Variants in RNF212 observed in about 807,000 individuals in gnomAD.
The protein encoded by RNF212 is probable E3 SUMO-protein ligase RNF212.
RNF212 carries 33 observed loss-of-function variants against 34.7 expected under a neutral mutation model. That is an observed-to-expected ratio of 0.95 (90% confidence interval 0.72 to 1.27). RNF212 has a LOEUF of 1.27. Among genes scored for constraint, RNF212 ranks in the 50% most tolerant of loss-of-function variants. The probability of loss-of-function intolerance (pLI) is 0.00; values close to 1 mark genes in which losing one functional copy is unlikely to be tolerated. For synonymous variants in RNF212, 140 were observed against 136.1 expected, an observed-to-expected ratio of 1.03 and a Z score of -0.20; for missense variants, 377 against 362.2, an observed-to-expected ratio of 1.04 and a Z score of -0.33.
At chr4:1,109,906 C>T (rs1430947724) in intron 1 of RNF212, among the ~76,000 whole-genome samples, 1 of 152,204 alleles carries the variant, frequency 6.6e-6, no homozygotes, top group Non-Finnish European at 1.5e-5. Flanking sequence ...GGGTCCCCTT[C>T]TAACAGCCTC....
Position 1,073,177 on chromosome 4 carries a change from A to C in RNF212, c.591T>G (p.Ala197=). ...QDGRMGPHLT[A]SFCFIPWLTL... is the part of the protein sequence containing the mutation. ...TCAACCATGGGATGAAACAGAAAGA[A>C]GCTGTTAGATGTGGCCCTGCGGGAA... is the stretch of plus-strand genomic sequence containing the variant. The change falls in exon 10 of 10, where the codon GCT becomes GCG. Residue 197 remains alanine, a synonymous_variant. Coordinates refer to ENST00000433731, the MANE Select transcript of RNF212 (RefSeq NM_001131034.4). 6.2e-7 allele frequency: 1 copy of C among 1,613,978 alleles called. No individual in the cohort carries two copies. The highest frequency in any genetic ancestry group is 1.1e-5 in the South Asian group (1 of 91,072).
In RNF212 at chr4:1,093,720, G is replaced by C. The variant is rs562675797; in HGVS notation, c.247-2882C>G. ...CTCTGATGTCTGTGATAACAGACAT[G>C]TTTTATGAACTCAAGCAACTTCTGG... On this transcript the variant is annotated intron_variant, in intron 3 of 9. Coordinates refer to ENST00000433731, the MANE Select transcript of RNF212 (RefSeq NM_001131034.4). 3.1e-5 allele frequency: 47 copies of C among 1,536,276 alleles called. No homozygotes were observed. The South Asian group carries it at 5.6e-4, about 18-fold the overall frequency.
At chr4:1,076,191 C>T (rs1450246152) in intron 8 of RNF212, among the ~76,000 whole-genome samples, 1 of 152,206 alleles carries the variant, frequency 6.6e-6, no homozygotes, top group African/African-American at 2.4e-5. Flanking sequence ...TTCCCGGGCA[C>T]CTTGTCCAGG....
chr4:1,097,255 C>T (rs758753698), intron 2 of RNF212, among the ~76,000 whole-genome samples: 3 of 152,124 alleles, frequency 2.0e-5, no homozygotes, highest in African/African-American at 4.8e-5. Context: ...AAGTACATGT[C>T]GAGTTATTTA....
At chr4:1,067,414 A>C (rs1718160851), downstream of RNF212, among the ~76,000 whole-genome samples, 1 of 152,244 alleles carries the variant, frequency 6.6e-6, no homozygotes, top group Admixed American at 6.5e-5. Flanking sequence ...AGATTATAAT[A>C]GATCAAAAAA....
chr4:1,064,287 G>A lies in RNF212; in HGVS notation n.148-5894C>T, dbSNP rs561263908. ...TGGAGCAATGTGGTTACGTTCCACT[G>A]GAATTCAGTCGGTGTTCACCTCAGT... On this transcript the variant is annotated intron_variant and non_coding_transcript_variant, in intron 3 of 4. Transcript: ENST00000503206. Among the ~76,000 whole-genome samples the A allele has an allele frequency of 2.0e-5, 3 of 152,304 alleles. No homozygotes were observed. In the South Asian group the frequency reaches 6.2e-4, roughly 32 times the overall value.
At chr4:1,066,130 C>T (rs1718082405) in intron 3 of RNF212, among the ~76,000 whole-genome samples, 1 of 151,530 alleles carries the variant, frequency 6.6e-6, no homozygotes, top group East Asian at 1.9e-4. Flanking sequence ...GCTATGTTGC[C>T]CAGGCTGGAC....
intron 5 of RNF212, 33 bp downstream of exon 5, chr4:1,085,863 G>T: frequency 1.3e-6 from 2 of 1,528,012 alleles, no homozygotes; most frequent in Non-Finnish European, 9.1e-7. Context: ...TGGGTGCCTC[G>T]ACTGCGCACT....
intron 4 of RNF212, among the ~76,000 whole-genome samples, chr4:1,088,206 T>C (rs561434520): frequency 6.6e-6 from 1 of 152,282 alleles, no homozygotes; most frequent in Non-Finnish European, 1.5e-5. Context: ...ATATGGATGG[T>C]GAAGTTCAGG....
chr4:1,083,069 T>A (rs1720613893), intron 5 of RNF212, among the ~76,000 whole-genome samples: 1 of 152,124 alleles, frequency 6.6e-6, no homozygotes, highest in Non-Finnish European at 1.5e-5. Context: ...CACATGGGAA[T>A]CCTCTCTGGA....
intron 2 of RNF212, chr4:1,099,709 A>G (rs914408130): frequency 4.4e-6 from 2 of 456,168 alleles, no homozygotes; most frequent in African/African-American, 2.0e-5. Context: ...ACATAGTTAA[A>G]TCTCACAGCG....
At chr4:1,093,752 G>C (rs1192985124) in intron 3 of RNF212, 2 of 1,536,178 alleles carry the variant, frequency 1.3e-6, no homozygotes, top group Non-Finnish European at 1.7e-6. Context: ...CTGGCCCCAA[G>C]GGGACTTGGT....
At chr4:1,075,314 A>C (rs962591338) in intron 8 of RNF212, among the ~76,000 whole-genome samples, 2 of 152,196 alleles carry the variant, frequency 1.3e-5, no homozygotes, top group African/African-American at 2.4e-5. Flanking sequence ...GAGACTGTGT[A>C]ATTCATAAAG....
At chr4:1,064,928 C>T (rs1486137273) in intron 3 of RNF212, among the ~76,000 whole-genome samples, 1 of 152,244 alleles carries the variant, frequency 6.6e-6, no homozygotes, top group East Asian at 1.9e-4. Flanking sequence ...ATGCACTTAG[C>T]ATAGCGTCCT....
At chr4:1,084,726 C>CAAAA (rs34470931) in intron 5 of RNF212, among the ~76,000 whole-genome samples, 1 of 60,454 alleles carries the variant, frequency 1.7e-5, no homozygotes, top group Non-Finnish European at 3.0e-5. Context: ...GACCCTGTCT[C>CAAAA]AAAAAAAAAA....
intron 2 of RNF212, among the ~76,000 whole-genome samples, chr4:1,098,679 A>G (rs1420502687): frequency 6.6e-6 from 1 of 152,100 alleles, no homozygotes. Context: ...TTGACCTGCA[A>G]CCCTGGTTCT....
In RNF212 at chr4:1,078,708, C is replaced by T. The variant is rs553339920; in HGVS notation, c.510+935G>A. On this transcript the variant is annotated intron_variant, in intron 8 of 9. Coordinates refer to ENST00000433731, the MANE Select transcript of RNF212 (RefSeq NM_001131034.4). ...GACACCAACAGAGACTGACAGGGAC[C>T]AGCACGGGACCAACATGGGACCAGC... 3.9e-5 allele frequency among the ~76,000 whole-genome samples: 6 copies of T among 152,366 alleles called. No homozygotes were observed. The East Asian group carries it at 1.2e-3, about 29-fold the overall frequency.
Position 1,090,781 on chromosome 4 carries a change from C to A in RNF212, c.303+1G>T, listed in dbSNP as rs1722063892. ...AGTGGCAATGAATCAATTCCACTTA[C>A]CTTTTCTCTATAGAAGGCTAACAAT... is the stretch of plus-strand genomic sequence containing the variant. On this transcript the variant is annotated splice_donor_variant, in intron 4 of 9. Coordinates refer to ENST00000433731, the MANE Select transcript of RNF212 (RefSeq NM_001131034.4). LOFTEE classifies it high-confidence loss of function. The A allele has an allele frequency of 3.2e-6, 5 of 1,543,580 alleles. No individual in the cohort carries two copies. Among genetic ancestry groups the A allele is most frequent in the Non-Finnish European group, 4.5e-6 (5 of 1,118,060 alleles).
intron 1 of RNF212, 138 bp from the exon 2 acceptor site, chr4:1,108,542 G>A: frequency 2.2e-6 from 1 of 460,762 alleles, no homozygotes; most frequent in Non-Finnish European, 3.9e-6. Context: ...GACAGGATGA[G>A]GCTGTGGGTA....
Sources: gnomAD v4.1 joint callset for allele counts (sites outside exome capture counted in the v4.1 genomes callset) on GRCh38, gnomAD v4.1.1 for gene constraint, MANE v1.5 for transcripts, NCBI Gene and HGNC (gene_info 2026-07-23, HGNC 2026-07-21) for gene names.